Variants in CEP112 observed in about 807,000 individuals in gnomAD.
CEP112 encodes centrosomal protein of 112 kDa.
A neutral mutation model predicts 153.0 loss-of-function variants in CEP112; 127 were observed. The observed-to-expected ratio is 0.83, with a 90% CI of 0.72 to 0.96. The LOEUF (loss-of-function observed/expected upper bound fraction) is 0.96, where lower values mean the gene tolerates loss of function less well. Among genes scored for constraint, CEP112 ranks in the 40% least tolerant of loss-of-function variants. The pLI, the probability that CEP112 is intolerant of heterozygous loss-of-function variation, is 0.00. For synonymous variants in CEP112, 358 were observed against 374.4 expected (o/e 0.96, Z 0.51); for missense variants, 1,089 against 1,101.2 (o/e 0.99, Z 0.16).
At position 66,029,169 on chromosome 17, in the gene CEP112, G is replaced by C. The variant is rs773852432; in HGVS notation, c.1457C>G (p.Ala486Gly). 16 of 1,608,648 alleles carry C rather than the reference G, an allele frequency of 9.9e-6. No homozygotes were observed. The African/African-American group carries it at 1.9e-4, about 19-fold the overall frequency. Residue 486 changes from alanine (A) to glycine (G), a missense_variant, in exon 14 of 27, where the codon GCT (alanine) becomes GGT (glycine). Coordinates refer to ENST00000535342, the MANE Select transcript of CEP112 (RefSeq NM_001199165.4). Reference sequence around the variant, plus strand: ...TTCTTGTTTTAGAAGGTTTATATCAGCATCATATTTGGTTTGTAACAGTTT... The same window carrying C: ...TTCTTGTTTTAGAAGGTTTATATCACCATCATATTTGGTTTGTAACAGTTT... ...NMKLLQTKYDADINLLKQEHA... is the reference protein window; with the variant it reads ...NMKLLQTKYDGDINLLKQEHA...
chr17:65,776,355 C>T (rs1225438353), intron 21 of CEP112, among the ~76,000 whole-genome samples: 2 of 152,222 alleles, frequency 1.3e-5, no homozygotes, highest in Non-Finnish European at 2.9e-5. Context: ...CTGCCTCAGC[C>T]TCCCGAGTAT....
intron 21 of CEP112, among the ~76,000 whole-genome samples, chr17:65,817,729 T>TA (rs1326836624): frequency 6.6e-6 from 1 of 151,938 alleles, no homozygotes; most frequent in Non-Finnish European, 1.5e-5. Flanking sequence ...AGGCATATTT[T>TA]AAAAAGATGG....
chr17:65,971,630 A>G (rs564408424), intron 17 of CEP112, among the ~76,000 whole-genome samples: 1 of 150,822 alleles, frequency 6.6e-6, no homozygotes, highest in African/African-American at 2.4e-5. Context: ...TATCCCATGC[A>G]TATTGCGTTA....
intron 17 of CEP112, among the ~76,000 whole-genome samples, chr17:65,980,695 C>T (rs1387810644): frequency 6.6e-6 from 1 of 152,142 alleles, no homozygotes; most frequent in African/African-American, 2.4e-5. Context: ...AACCATTGAC[C>T]ATTTGGGGGA....
intron 24 of CEP112, among the ~76,000 whole-genome samples, chr17:65,685,925 A>T (rs939547551): frequency 6.6e-6 from 1 of 152,064 alleles, no homozygotes; most frequent in Non-Finnish European, 1.5e-5. Context: ...GGCTTTCCAA[A>T]GTGCTGGTAT....
At chr17:66,153,406 T>C (rs1399835428) in intron 4 of CEP112, among the ~76,000 whole-genome samples, 1 of 149,608 alleles carries the variant, frequency 6.7e-6, no homozygotes, top group East Asian at 2.0e-4. Context: ...AAAAACAATA[T>C]TGTAAGTGGA....
At chr17:66,138,065 T>C (rs2070518004) in intron 4 of CEP112, among the ~76,000 whole-genome samples, 8 of 152,080 alleles carry the variant, frequency 5.3e-5, no homozygotes, top group Admixed American at 5.2e-4. Context: ...AGTCAATCAA[T>C]GAGATCAATG....
At chr17:65,775,748 C>T (rs2053641167) in intron 21 of CEP112, among the ~76,000 whole-genome samples, 1 of 152,182 alleles carries the variant, frequency 6.6e-6, no homozygotes, top group African/African-American at 2.4e-5. Flanking sequence ...AGTGATTCAC[C>T]CGCCTCAGCC....
intron 23 of CEP112, among the ~76,000 whole-genome samples, chr17:65,721,922 T>C (rs1040743704): frequency 5.9e-5 from 9 of 151,992 alleles, no homozygotes; most frequent in Non-Finnish European, 1.2e-4. Context: ...ACATGAGAAA[T>C]GGCTTTGCTG....
At chr17:65,974,713 A>G (rs1297444473) in intron 17 of CEP112, among the ~76,000 whole-genome samples, 1 of 152,232 alleles carries the variant, frequency 6.6e-6, no homozygotes, top group African/African-American at 2.4e-5. Flanking sequence ...AATGTGTACA[A>G]AAGTATCCAT....
At position 65,791,221 on chromosome 17, in the gene CEP112, G is replaced by T. The variant is rs8067803; in HGVS notation, c.2395-40497C>A. On this transcript the variant is annotated intron_variant, in intron 21 of 26. Transcript: ENST00000535342. ...AACCAAAACCTTGAGAAATAATTTTGTAAAGCTTAAATGTCTGTTAATGGG... is the reference window on the plus strand; with the variant it reads ...AACCAAAACCTTGAGAAATAATTTTTTAAAGCTTAAATGTCTGTTAATGGG... 1.5e-3 allele frequency among the ~76,000 whole-genome samples: 227 copies of T among 152,274 alleles called. 2 individuals are homozygous for T. Among genetic ancestry groups the T allele is most frequent in the African/African-American group, 5.4e-3 (224 of 41,568 alleles).
intron 20 of CEP112, among the ~76,000 whole-genome samples, chr17:65,888,865 G>A (rs776951926): frequency 6.6e-6 from 1 of 152,092 alleles, no homozygotes; most frequent in Non-Finnish European, 1.5e-5. Context: ...TCTCCCATTA[G>A]CTGATCCAAG....
At chr17:66,116,860 CTCCT>C (rs1383103279) in intron 6 of CEP112, among the ~76,000 whole-genome samples, 3 of 137,212 alleles carry the variant, frequency 2.2e-5, no homozygotes, top group African/African-American at 7.8e-5. Flanking sequence ...TTTCTCCAAT[CTCCT>C]TTTTTTTTTT....
intron 23 of CEP112, among the ~76,000 whole-genome samples, chr17:65,724,432 T>C (rs1404184754): frequency 1.3e-5 from 2 of 152,228 alleles, no homozygotes; most frequent in Non-Finnish European, 2.9e-5. Flanking sequence ...AATAACTATA[T>C]AAATGTAAAA....
intron 17 of CEP112, among the ~76,000 whole-genome samples, chr17:65,965,956 C>T (rs1360976196): frequency 2.0e-5 from 3 of 152,152 alleles, no homozygotes; most frequent in South Asian, 2.1e-4. Context: ...CAAAGGTCTG[C>T]TCCTAGCACA....
intron 23 of CEP112, among the ~76,000 whole-genome samples, chr17:65,694,124 A>T (rs1030380348): frequency 6.6e-6 from 1 of 152,184 alleles, no homozygotes; most frequent in African/African-American, 2.4e-5. Context: ...ACAGTGGGGC[A>T]TGCTCTCAGA....
At chr17:65,851,337 C>A (rs1377410753) in intron 21 of CEP112, among the ~76,000 whole-genome samples, 1 of 152,068 alleles carries the variant, frequency 6.6e-6, no homozygotes. Context: ...AAAGACTTTT[C>A]TTATCTCGAC....
At chr17:66,099,504 C>CAAAAAAAA (rs71160532) in intron 6 of CEP112, among the ~76,000 whole-genome samples, 31 of 113,770 alleles carry the variant, frequency 2.7e-4, no homozygotes, top group East Asian at 1.3e-3. Context: ...AACTCTGTCT[C>CAAAAAAAA]AAAAAAAAAA....
chr17:65,740,600 C>T (rs1343792605), intron 23 of CEP112, among the ~76,000 whole-genome samples: 2 of 152,136 alleles, frequency 1.3e-5, no homozygotes, highest in Non-Finnish European at 2.9e-5. Flanking sequence ...AGAATGAGTA[C>T]TAGGTTTACT....
Sources: gnomAD v4.1 joint callset for allele counts (sites outside exome capture counted in the v4.1 genomes callset) on GRCh38, gnomAD v4.1.1 for gene constraint, MANE v1.5 for transcripts, NCBI Gene and HGNC (gene_info 2026-07-23, HGNC 2026-07-21) for gene names.